The following GLB1 variants were observed in gnomAD, a reference collection of about 807,000 sequenced individuals.
The protein encoded by GLB1 is beta-galactosidase.
GLB1 carries 56 observed loss-of-function variants against 74.0 expected under a neutral mutation model. The ratio of observed to expected loss-of-function variants is 0.76; its 90% confidence interval spans 0.61 to 0.94. The LOEUF is 0.94. GLB1 is among the 40% of genes least tolerant of loss of function. The probability of loss-of-function intolerance (pLI) is 0.00; values close to 1 mark genes in which losing one functional copy is unlikely to be tolerated. For synonymous variants in GLB1, 323 were observed against 323.6 expected, an observed-to-expected ratio of 1.00 and a Z score of 0.02; for missense variants, 787 against 845.5, an observed-to-expected ratio of 0.93 and a Z score of 0.86.
intron 10 of GLB1, among the ~76,000 whole-genome samples, chr3:33,039,727 T>C (rs1425660739): frequency 6.6e-6 from 1 of 152,162 alleles, no homozygotes; most frequent in Non-Finnish European, 1.5e-5. Context: ...CAGCCAAGAA[T>C]GTTCTAAAAT....
chr3:32,969,046 G>A, the GLB1 span, among the ~76,000 whole-genome samples: 1 of 152,320 alleles, frequency 6.6e-6, no homozygotes, highest in South Asian at 2.1e-4. Context: ...CTGTGTGGAT[G>A]TGGTAGATAG....
intron 10 of GLB1, among the ~76,000 whole-genome samples, chr3:33,042,782 G>C (rs1698560249): frequency 6.6e-6 from 1 of 152,192 alleles, no homozygotes. Context: ...TGCCTGGAAT[G>C]CTCTTGTCCA....
rs1365117300 is a variant in GLB1 at position 33,093,752 on chromosome 3, G to A, written c.75+3259C>T. On this transcript the variant is annotated intron_variant, in intron 1 of 15. Coordinates refer to ENST00000307363, the MANE Select transcript of GLB1 (RefSeq NM_000404.4). This position sits in a 1 kb window ranked among gnomAD's most constrained non-coding sequence, Gnocchi z 6.0. The stretch of plus-strand genomic sequence containing the variant: ...CAAGGCTGCCCACGACCCTACCACT[G>A]CGCCAGGCCAAGAGCTGGTAGGCCT... The A allele has an allele frequency of 6.2e-7, 1 of 1,613,776 alleles. No individual in the cohort carries two copies. The highest frequency in any genetic ancestry group is 8.5e-7 in the Non-Finnish European group (1 of 1,179,832).
intron 15 of GLB1, among the ~76,000 whole-genome samples, chr3:33,013,729 C>T (rs957115854): frequency 1.3e-5 from 2 of 152,104 alleles, no homozygotes; most frequent in Non-Finnish European, 2.9e-5. Flanking sequence ...GAGGGATCCA[C>T]CTCTTTGTCT....
At chr3:33,007,458 A>G (rs1344792809) in intron 15 of GLB1, among the ~76,000 whole-genome samples, 2 of 152,256 alleles carry the variant, frequency 1.3e-5, no homozygotes, top group South Asian at 2.1e-4. Flanking sequence ...AAATGGAATC[A>G]TGCAACATAC....
At chr3:33,086,446 C>A (rs781259204) in intron 1 of GLB1, among the ~76,000 whole-genome samples, 1 of 152,160 alleles carries the variant, frequency 6.6e-6, no homozygotes, top group South Asian at 2.1e-4. Flanking sequence ...CACTATTCTG[C>A]AATCTTTAGT....
intron 1 of GLB1, among the ~76,000 whole-genome samples, chr3:33,087,812 C>T (rs563695885): frequency 3.1e-4 from 47 of 152,164 alleles, no homozygotes; most frequent in African/African-American, 1.1e-3. Context: ...TACAAGAAAA[C>T]TACAGAACAA....
chr3:33,052,041 T>G (rs1205643098), intron 7 of GLB1, 37 bp from the exon 8 acceptor site: 28 of 1,610,562 alleles, frequency 1.7e-5, no homozygotes, highest in Non-Finnish European at 2.3e-5. Flanking sequence ...TAGGATAGAC[T>G]TATGACCTTC....
the GLB1 span, among the ~76,000 whole-genome samples, chr3:32,988,750 A>C: frequency 2.0e-5 from 3 of 152,352 alleles, no homozygotes; most frequent in Non-Finnish European, 4.4e-5. Context: ...GTATTTCAAC[A>C]ATATCTTCCT....
intron 1 of GLB1, among the ~76,000 whole-genome samples, chr3:33,085,342 A>G (rs1471825537): frequency 6.6e-6 from 1 of 151,586 alleles, no homozygotes; most frequent in African/African-American, 2.4e-5. Flanking sequence ...TAAGAACCCC[A>G]TAATCAGGAG....
At position 33,068,869 on chromosome 3, in the gene GLB1, A is replaced by G; in HGVS notation, c.347T>C (p.Leu116Pro). 2 of 1,614,164 alleles carry G rather than the reference A, an allele frequency of 1.2e-6. No homozygotes were observed. Among genetic ancestry groups the G allele is most frequent in the Non-Finnish European group, 1.7e-6 (2 of 1,180,032 alleles). The change falls in exon 3 of 16, where the codon CTG becomes CCG. Residue 116 changes from leucine (L) to proline (P), a missense_variant. Leu to Pro is a moderately conservative substitution (Grantham distance 98). Coordinates refer to ENST00000307363, the MANE Select transcript of GLB1 (RefSeq NM_000404.4). ...YFLRLAHELG[L>P]LVILRPGPYI... ...GGGCCCGGGCCTCAGGATAACCAGCAGTCCCAGCTCATGAGCCAGCCGAAG... is the reference window on the plus strand; with the variant it reads ...GGGCCCGGGCCTCAGGATAACCAGCGGTCCCAGCTCATGAGCCAGCCGAAG...
chr3:33,025,073 G>A (rs1697680912), intron 10 of GLB1, among the ~76,000 whole-genome samples: 1 of 152,144 alleles, frequency 6.6e-6, no homozygotes, highest in South Asian at 2.1e-4. Context: ...AGCCTCCCGA[G>A]TAGCTGGGAC....
At position 33,002,401 on chromosome 3, in the gene GLB1, G is replaced by A. The variant is rs373532098; in HGVS notation, c.1735-5057C>T. 2.4e-3 allele frequency among the ~76,000 whole-genome samples: 328 copies of A among 134,272 alleles called. 1 individual carries two copies. The highest frequency in any genetic ancestry group is 0.019 in the Middle Eastern group (5 of 264). 88.1% of individuals were successfully genotyped at this position (134,272 alleles called of 152,430 possible). On this transcript the variant is annotated intron_variant, in intron 15 of 15. Transcript: ENST00000307363. ...CCTTCCTTATGAGGCAGGGTCTCAC[G>A]CTGTCATTCAGACTAGACTGCAGCT... is the stretch of plus-strand genomic sequence containing the variant.
chr3:33,014,365 CA>C (rs1697157009), intron 14 of GLB1, 55 bp from the exon 15 acceptor site: 1 of 1,596,140 alleles, frequency 6.3e-7, no homozygotes, highest in Non-Finnish European at 8.5e-7. Context: ...AAAGGCTTCA[CA>C]TGTCTCTGCA....
chr3:33,017,898 T>A (rs1181507680), intron 13 of GLB1, among the ~76,000 whole-genome samples: 2 of 152,020 alleles, frequency 1.3e-5, no homozygotes, highest in Non-Finnish European at 2.9e-5. Context: ...AGCACAGCCC[T>A]CTGGGTTAAG....
At chr3:33,034,250 T>G (rs1698178859) in intron 10 of GLB1, 2 of 677,884 alleles carry the variant, frequency 3.0e-6, no homozygotes, top group African/African-American at 1.8e-5. Flanking sequence ...TGGGGCCATC[T>G]TCCTGCTGAC....
the GLB1 span, among the ~76,000 whole-genome samples, chr3:32,963,200 T>G: frequency 6.6e-6 from 1 of 151,988 alleles, no homozygotes; most frequent in East Asian, 1.9e-4. Context: ...AATAAACTAT[T>G]TATTCAGAAG....
chr3:33,094,121 G>A (rs199987033), intron 1 of GLB1: 678 of 1,614,156 alleles, frequency 4.2e-4, no homozygotes, highest in Non-Finnish European at 5.6e-4. Context: ...AGCGGGAGGC[G>A]ATCATGGACA....
At chr3:33,011,638 CAAAAA>C (rs11342344) in intron 15 of GLB1, among the ~76,000 whole-genome samples, 1 of 84,102 alleles carries the variant, frequency 1.2e-5, no homozygotes, top group Non-Finnish European at 2.2e-5. Flanking sequence ...GAGTCCATCT[CAAAAA>C]AAAAAAAAAA....
Sources: gnomAD v4.1 joint callset for allele counts (sites outside exome capture counted in the v4.1 genomes callset) on GRCh38, gnomAD v4.1.1 for gene constraint, Gnocchi (gnomAD v3.1) non-coding constraint, MANE v1.5 for transcripts, NCBI Gene and HGNC (gene_info 2026-07-23, HGNC 2026-07-21) for gene names.